Variants in PPP2R2B observed in about 807,000 individuals in gnomAD.
The protein encoded by PPP2R2B is protein phosphatase 2 regulatory subunit Bbeta.
PPP2R2B carries 5 observed loss-of-function variants against 46.0 expected under a neutral mutation model. That is an observed-to-expected ratio of 0.11 (90% CI 0.06 to 0.23). The LOEUF is 0.23. Among genes scored for constraint, PPP2R2B ranks in the 10% least tolerant of loss-of-function variants. The probability of loss-of-function intolerance (pLI) is 1.00; values close to 1 mark genes in which losing one functional copy is unlikely to be tolerated. For synonymous variants in PPP2R2B, 215 were observed against 206.7 expected (o/e 1.04, Z -0.34); for missense variants, 367 against 575.0 (o/e 0.64, Z 3.70).
intron 2 of PPP2R2B, chr5:146,706,929 C>T (rs1779898897): frequency 1.7e-6 from 2 of 1,153,070 alleles, no homozygotes; most frequent in African/African-American, 1.5e-5. Flanking sequence ...CGGATCTCCT[C>T]TTCATACAGC....
chr5:146,645,348 CCT>C (rs1472667345), intron 6 of PPP2R2B, among the ~76,000 whole-genome samples: 1 of 152,128 alleles, frequency 6.6e-6, no homozygotes, highest in Admixed American at 6.5e-5. Flanking sequence ...AAGGGATATT[CCT>C]CTCTTAAGAG....
chr5:146,960,439 G>A (rs1752121251), intron 1 of PPP2R2B, among the ~76,000 whole-genome samples: 1 of 152,166 alleles, frequency 6.6e-6, no homozygotes, highest in East Asian at 1.9e-4. Context: ...ACAGGCGCAG[G>A]CCACCACGCC....
intron 5 of PPP2R2B, among the ~76,000 whole-genome samples, chr5:146,688,161 A>G (rs889101265): frequency 6.6e-6 from 1 of 152,154 alleles, no homozygotes; most frequent in African/African-American, 2.4e-5. Context: ...ACTGAAATGC[A>G]GGATATTTGA....
chr5:147,048,188 G>A (rs575813287), intron 1 of PPP2R2B, among the ~76,000 whole-genome samples: 20 of 152,260 alleles, frequency 1.3e-4, no homozygotes, highest in Middle Eastern at 3.4e-3. Flanking sequence ...AAGAATAGAT[G>A]AGTGTTTTTT....
In PPP2R2B at chr5:146,892,944, A is replaced by C. The variant is rs191734202; in HGVS notation, c.79+162721T>G. On this transcript the variant is annotated intron_variant, in intron 1 of 8. Coordinates refer to the PPP2R2B transcript ENST00000336640. ...TCAGGCATTCTGCTTGTTTTATAGA[A>C]CCTCTAGGATCTATTGCTACCCTAG... 1.6e-3 allele frequency among the ~76,000 whole-genome samples: 237 copies of C among 152,108 alleles called. 3 individuals are homozygous for C. Among genetic ancestry groups the C allele is most frequent in the African/African-American group, 5.1e-3 (211 of 41,496 alleles).
intron 2 of PPP2R2B, among the ~76,000 whole-genome samples, chr5:146,771,975 C>T (rs890987446): frequency 1.3e-5 from 2 of 152,170 alleles, no homozygotes; most frequent in African/African-American, 4.8e-5. Context: ...AGCCACCTTA[C>T]TGAAACACTT....
intron 1 of PPP2R2B, among the ~76,000 whole-genome samples, chr5:147,006,724 C>CT (rs1754456528): frequency 6.6e-6 from 1 of 152,144 alleles, no homozygotes; most frequent in Non-Finnish European, 1.5e-5. Context: ...CCACCGAGGC[C>CT]TAGTCCTCCT....
intron 1 of PPP2R2B, among the ~76,000 whole-genome samples, chr5:146,892,961 C>T (rs539089354): frequency 2.6e-5 from 4 of 152,312 alleles, no homozygotes; most frequent in African/African-American, 4.8e-5. Context: ...GGATCTATTG[C>T]TACCCTAGGT....
At chr5:146,620,198 T>TA (rs1422354761) in intron 7 of PPP2R2B, among the ~76,000 whole-genome samples, 2 of 152,174 alleles carry the variant, frequency 1.3e-5, no homozygotes, top group Non-Finnish European at 2.9e-5. Flanking sequence ...GAATCTGATC[T>TA]AAAGAAAGGG....
intron 1 of PPP2R2B, among the ~76,000 whole-genome samples, chr5:146,907,873 T>C (rs1206067721): frequency 6.6e-6 from 1 of 152,178 alleles, no homozygotes; most frequent in Non-Finnish European, 1.5e-5. Context: ...TTCCATAGTA[T>C]GCAGTGGTTT....
intron 6 of PPP2R2B, among the ~76,000 whole-genome samples, chr5:146,642,508 A>G (rs1403586109): frequency 1.3e-5 from 2 of 152,252 alleles, no homozygotes; most frequent in Non-Finnish European, 2.9e-5. Context: ...TGATTAGATG[A>G]ATTTTTATAT....
chr5:147,069,785 G>GGTTTTTTTTTTTTTT (rs1757521827), intron 2 of PPP2R2B, among the ~76,000 whole-genome samples: 2 of 64,784 alleles, frequency 3.1e-5, no homozygotes, highest in African/African-American at 1.5e-4. Flanking sequence ...ATTTTATACT[G>GGTTTTTTTTTTTTTT]TTTTTTTTTT....
intron 1 of PPP2R2B, among the ~76,000 whole-genome samples, chr5:147,006,366 T>C (rs187131779): frequency 1.3e-5 from 2 of 152,298 alleles, no homozygotes; most frequent in Admixed American, 6.5e-5. Context: ...CAAAGAATAA[T>C]TGGAATCCCA....
Position 146,893,011 on chromosome 5 carries a change from G to GC in PPP2R2B, c.79+162653dup, listed in dbSNP as rs376920736. 1.6e-3 allele frequency among the ~76,000 whole-genome samples: 237 copies of GC among 152,224 alleles called. 3 individuals are homozygous for GC. Among genetic ancestry groups the GC allele is most frequent in the African/African-American group, 5.1e-3 (211 of 41,546 alleles). ...CTGTCACCCCTTTCACAAACCCTATGCGCAGAAACAGTGGGCCATTTTCAG... is the reference window on the plus strand; with the variant it reads ...CTGTCACCCCTTTCACAAACCCTATGCCGCAGAAACAGTGGGCCATTTTCAG... On this transcript the variant is annotated intron_variant, in intron 1 of 8. Transcript: ENST00000336640.
chr5:146,637,337 T>C (rs964380045), intron 7 of PPP2R2B, among the ~76,000 whole-genome samples: 1 of 152,200 alleles, frequency 6.6e-6, no homozygotes, highest in Non-Finnish European at 1.5e-5. Context: ...GTTATACAAC[T>C]GGGCTTGGGT....
intron 1 of PPP2R2B, among the ~76,000 whole-genome samples, chr5:146,978,035 C>G (rs1752998477): frequency 6.6e-6 from 1 of 152,194 alleles, no homozygotes; most frequent in Non-Finnish European, 1.5e-5. Flanking sequence ...TCTCCAGCAT[C>G]TGTTGTTTCC....
At chr5:146,874,824 G>GA (rs148671641) in intron 2 of PPP2R2B, among the ~76,000 whole-genome samples, 3,774 of 149,376 alleles carry the variant, frequency 0.025, 155 homozygotes, top group African/African-American at 0.086. Flanking sequence ...TTCCATATCT[G>GA]AAAAAAAAAA....
At chr5:146,866,539 A>G (rs1379092640) in intron 2 of PPP2R2B, among the ~76,000 whole-genome samples, 2 of 152,200 alleles carry the variant, frequency 1.3e-5, no homozygotes, top group Non-Finnish European at 2.9e-5. Flanking sequence ...TAAGATCTAA[A>G]GTCTCACCTA....
At chr5:146,980,559 G>T (rs949482854) in intron 1 of PPP2R2B, among the ~76,000 whole-genome samples, 1 of 152,146 alleles carries the variant, frequency 6.6e-6, no homozygotes, top group Admixed American at 6.5e-5. Context: ...GAGAATGGAG[G>T]CTCCCATGCC....
Sources: gnomAD v4.1 joint callset for allele counts (sites outside exome capture counted in the v4.1 genomes callset) on GRCh38, gnomAD v4.1.1 for gene constraint, MANE v1.5 for transcripts, NCBI Gene and HGNC (gene_info 2026-07-23, HGNC 2026-07-21) for gene names.